The following RBAK variants were observed in gnomAD, a reference collection of about 807,000 sequenced individuals.
RBAK encodes RB-associated KRAB zinc finger protein.
RBAK carries 39 observed loss-of-function variants against 65.8 expected under a neutral mutation model. The ratio of observed to expected loss-of-function variants is 0.59; its 90% CI spans 0.46 to 0.77. The LOEUF (loss-of-function observed/expected upper bound fraction) is 0.77, where lower values mean the gene tolerates loss of function less well. RBAK is among the 30% of genes least tolerant of loss of function. The pLI, the probability that RBAK is intolerant of heterozygous loss-of-function variation, is 0.00. For synonymous variants in RBAK, 343 were observed against 289.7 expected (o/e 1.18, Z -1.87); for missense variants, 884 against 855.1 (o/e 1.03, Z -0.42).
In RBAK at chr7:5,067,236, G is replaced by A. The variant is rs1049402777; in HGVS notation, c.*1635G>A. Reference sequence around the variant, plus strand: ...AGAGAAACAAAAGGCATAGAGATTAGAAAAGAAGTAAAACTTTAAAAACGA... The same window carrying A: ...AGAGAAACAAAAGGCATAGAGATTAAAAAAGAAGTAAAACTTTAAAAACGA... On this transcript the variant is annotated 3_prime_UTR_variant, in exon 5 of 5. Transcript: ENST00000396912. 2.0e-5 allele frequency: 3 copies of A among 152,086 alleles called. No homozygotes were observed. Among genetic ancestry groups the A allele is most frequent in the Admixed American group, 2.0e-4 (3 of 15,256 alleles). The allele number at this position is 152,086 out of a possible 1,614,324, so 9.4% of individuals were successfully genotyped here.
intron 1 of RBAK, among the ~76,000 whole-genome samples, chr7:5,047,831 A>C (rs533390900): frequency 6.6e-6 from 1 of 151,830 alleles, no homozygotes; most frequent in African/African-American, 2.4e-5. Flanking sequence ...AAGGCGGATC[A>C]CTTGAGGCCA....
intron 2 of RBAK, among the ~76,000 whole-genome samples, chr7:5,056,107 T>TC (rs1369827716): frequency 1.4e-5 from 2 of 144,850 alleles, no homozygotes; most frequent in African/African-American, 2.5e-5. Flanking sequence ...CATTTTTCTT[T>TC]TTTTTTTTTT....
chr7:5,059,390 G>A (rs1428000039), intron 4 of RBAK, among the ~76,000 whole-genome samples: 1 of 151,300 alleles, frequency 6.6e-6, no homozygotes, highest in East Asian at 1.9e-4. Flanking sequence ...GCATGATCTC[G>A]GCTCACTGCA....
At chr7:5,057,252 C>T (rs2115035942) in intron 2 of RBAK, 43 bp from the exon 3 acceptor site, 1 of 1,613,664 alleles carries the variant, frequency 6.2e-7, no homozygotes. Flanking sequence ...ATCCCCCTAT[C>T]CCTTTTCCGT....
At chr7:5,052,861 G>A (rs1390896552) in intron 2 of RBAK, among the ~76,000 whole-genome samples, 1 of 152,126 alleles carries the variant, frequency 6.6e-6, no homozygotes, top group Non-Finnish European at 1.5e-5. Flanking sequence ...CCAGGTTCAA[G>A]TGATTCTCCT....
chr7:5,049,206 CTTA>C (rs887133208), intron 2 of RBAK, among the ~76,000 whole-genome samples: 3 of 152,158 alleles, frequency 2.0e-5, no homozygotes, highest in African/African-American at 7.2e-5. Context: ...TAACTTATGG[CTTA>C]TTCTTGGTGC....
In RBAK at chr7:5,064,774, C is replaced by T. The variant is rs1357803073; in HGVS notation, c.1318C>T (p.Arg440Trp). The stretch of plus-strand genomic sequence containing the variant: ...TAGCGAGTGTGGGAAATTCTTTTCT[C>T]GGGTGTCATACCTCACTATACATTA... ...QCSECGKFFSRVSYLTIHYRS... is the reference protein window; with the variant it reads ...QCSECGKFFSWVSYLTIHYRS... The change falls in exon 5 of 5, where the codon CGG (arginine) becomes TGG (tryptophan). Residue 440 changes from arginine to tryptophan, a missense_variant. Physicochemically the swap from Arg to Trp is moderately radical, Grantham distance 101. Coordinates refer to ENST00000396912, the MANE Select transcript of RBAK (RefSeq NM_021163.4). The surrounding 1 kb of genome is among the most constrained non-coding windows in gnomAD (Gnocchi z 6.3). 8.1e-6 allele frequency: 13 copies of T among 1,613,876 alleles called. 1 individual carries two copies. Among genetic ancestry groups the T allele is most frequent in the South Asian group, 3.3e-5 (3 of 91,068 alleles).
chr7:5,057,342 G>A lies in RBAK; in HGVS notation c.63G>A (p.Glu21=), dbSNP rs765867463. Residue 21 remains glutamate (E), a synonymous_variant, in exon 3 of 5, where the codon GAG becomes GAA. Coordinates refer to ENST00000396912, the MANE Select transcript of RBAK (RefSeq NM_021163.4). The part of the protein sequence containing the change: ...KDVAVDFTQE[E]WQQLDPDEKI... The stretch of plus-strand genomic sequence containing the variant: ...TGGCTGTGGATTTCACCCAGGAGGA[G>A]TGGCAGCAGCTGGACCCTGATGAGA... 1.5e-5 allele frequency: 25 copies of A among 1,613,952 alleles called. No individual in the cohort carries two copies. The highest frequency in any genetic ancestry group is 1.6e-4 in the Middle Eastern group (1 of 6,084).
rs1394697263 is a variant in RBAK at position 5,054,870 on chromosome 7, T to C, written c.16-2425T>C. On this transcript the variant is annotated intron_variant, in intron 2 of 4. Coordinates refer to ENST00000396912, the MANE Select transcript of RBAK (RefSeq NM_021163.4). ...TTGGTATTTTTACTGGGGTTGCATA[T>C]TTATAAAGTAATTTAGGGTAACTGA... 2.0e-5 allele frequency among the ~76,000 whole-genome samples: 3 copies of C among 152,174 alleles called. No individual in the cohort carries two copies. In the East Asian group the frequency reaches 5.8e-4, roughly 29 times the overall value.
In RBAK at chr7:5,064,277, C is replaced by A; in HGVS notation, c.821C>A (p.Ser274Ter). ...SECGKSFCKK[S>*]KFIIHQRAHT... ...TGTGGAAAATCCTTCTGTAAAAAGT[C>A]AAAATTCATCATCCACCAGAGGGCT... The change falls in exon 5 of 5, where the codon TCA (serine) becomes TAA (stop). Residue 274 changes from serine to a stop codon, truncating the protein, a stop_gained. Coordinates refer to ENST00000396912, the MANE Select transcript of RBAK (RefSeq NM_021163.4). LOFTEE classifies it high-confidence loss of function. This position sits in a 1 kb window ranked among gnomAD's most constrained non-coding sequence, Gnocchi z 6.3. 2.5e-6 allele frequency: 4 copies of A among 1,614,070 alleles called. No homozygotes were observed. Among genetic ancestry groups the A allele is most frequent in the South Asian group, 1.1e-5 (1 of 91,062 alleles).
At position 5,065,202 on chromosome 7, in the gene RBAK, C is replaced by G. The variant is rs11771682; in HGVS notation, c.1746C>G (p.Leu582=). ...AAACCTTTTCCCATAATTCATCCCTCTTCAGACATCAAAGAGTACACACAG... is the reference window on the plus strand; with the variant it reads ...AAACCTTTTCCCATAATTCATCCCTGTTCAGACATCAAAGAGTACACACAG... ...CGKTFSHNSS[L]FRHQRVHTGE... The change falls in exon 5 of 5, where the codon CTC becomes CTG. Residue 582 remains leucine, a synonymous_variant. Transcript: ENST00000396912. This position sits in a 1 kb window ranked among gnomAD's most constrained non-coding sequence, Gnocchi z 5.3. The G allele has an allele frequency of 1.9e-6, 3 of 1,613,272 alleles. No homozygotes were observed. Among genetic ancestry groups the G allele is most frequent in the South Asian group, 2.2e-5 (2 of 90,942 alleles).
intron 4 of RBAK, among the ~76,000 whole-genome samples, chr7:5,059,569 T>A (rs1278924070): frequency 6.6e-6 from 1 of 152,246 alleles, no homozygotes; most frequent in African/African-American, 2.4e-5. Context: ...ACAGTAATGT[T>A]AACTGTATTT....
intron 1 of RBAK, 148 bp downstream of exon 1, chr7:5,046,544 C>G: frequency 2.9e-6 from 1 of 348,018 alleles, no homozygotes; most frequent in South Asian, 2.1e-5. Flanking sequence ...TCCGGCTGCA[C>G]CGAACAGGCG....
chr7:5,063,738 C>T lies in RBAK; in HGVS notation c.282C>T (p.Asn94=), dbSNP rs371950301. The stretch of plus-strand genomic sequence containing the variant: ...ACCTGATAGAGAGAATCCAAGAAAA[C>T]GAAGACAAACATTCAAGGCAAGCTG... ...VDDLIERIQE[N]EDKHSRQAAC... is the part of the protein sequence containing the mutation. The change falls in exon 5 of 5, where the codon AAC becomes AAT. Residue 94 remains asparagine, a synonymous_variant. Coordinates refer to ENST00000396912, the MANE Select transcript of RBAK (RefSeq NM_021163.4). 3.1e-5 allele frequency: 50 copies of T among 1,611,906 alleles called. No individual in the cohort carries two copies. The Middle Eastern group carries it at 5.0e-4, about 16-fold the overall frequency.
In RBAK at chr7:5,065,746, C is replaced by T; in HGVS notation, c.*145C>T. The T allele has an allele frequency of 1.9e-6, 1 of 535,248 alleles. No homozygotes were observed. Among genetic ancestry groups the T allele is most frequent in the Non-Finnish European group, 3.0e-6 (1 of 333,326 alleles). 33.2% of individuals were successfully genotyped at this position (535,248 alleles called of 1,614,324 possible). A position where few individuals can be genotyped will look rare whatever the true frequency, so the allele number is the denominator to read the frequency against. ...AGAGTCATTTTAATCCAAATTTTCACAGAGAAGAATCCCGAAGAATGTAAC... is the reference window on the plus strand; with the variant it reads ...AGAGTCATTTTAATCCAAATTTTCATAGAGAAGAATCCCGAAGAATGTAAC... On this transcript the variant is annotated 3_prime_UTR_variant, in exon 5 of 5. Coordinates refer to ENST00000396912, the MANE Select transcript of RBAK (RefSeq NM_021163.4). This position sits in a 1 kb window ranked among gnomAD's most constrained non-coding sequence, Gnocchi z 5.3.
At position 5,049,189 on chromosome 7, in the gene RBAK, G is replaced by A. The variant is rs117577464; in HGVS notation, c.15+1098G>A. ...TAGCTTTCCTAATAACAACCATTAA[G>A]TTACCATAACTTATGGCTTATTCTT... is the stretch of plus-strand genomic sequence containing the variant. On this transcript the variant is annotated intron_variant, in intron 2 of 4. Transcript: ENST00000396912. 8.6e-3 allele frequency among the ~76,000 whole-genome samples: 1,304 copies of A among 152,270 alleles called. 9 individuals carry two copies. The highest frequency in any genetic ancestry group is 0.013 in the Non-Finnish European group (907 of 68,028).
chr7:5,061,749 T>G (rs1044521782), intron 4 of RBAK, among the ~76,000 whole-genome samples: 18 of 151,772 alleles, frequency 1.2e-4, no homozygotes, highest in African/African-American at 4.4e-4. Context: ...AATACAAAAA[T>G]TAGCTGGGTG....
rs769620739 is a variant in RBAK, at chr7:5,066,255, A to G, written c.*654A>G. The G allele has an allele frequency of 3.3e-5, 5 of 152,572 alleles. No individual in the cohort carries two copies. The highest frequency in any genetic ancestry group is 3.2e-3 in the Middle Eastern group (1 of 316). The allele number at this position is 152,572 out of a possible 1,614,324, so 9.5% of individuals were successfully genotyped here. On this transcript the variant is annotated 3_prime_UTR_variant, in exon 5 of 5. Transcript: ENST00000396912. The stretch of plus-strand genomic sequence containing the variant: ...CATATTGTTGGTGAGATAATATTTA[A>G]TAGGTATAAAATGGTAAAATACCTA...
chr7:5,053,696 G>C (rs1788164263), intron 2 of RBAK, among the ~76,000 whole-genome samples: 1 of 152,102 alleles, frequency 6.6e-6, no homozygotes, highest in African/African-American at 2.4e-5. Context: ...TTCTGTTGCT[G>C]TCTTTATATT....
Sources: allele counts gnomAD v4.1 joint callset (sites outside exome capture counted in the v4.1 genomes callset), GRCh38; gene constraint gnomAD v4.1.1; non-coding constraint Gnocchi (gnomAD v3.1); transcripts MANE v1.5; gene names NCBI Gene and HGNC (gene_info 2026-07-23, HGNC 2026-07-21).